ATP2C2: variants seen among roughly 807,000 people sequenced by gnomAD.
The protein encoded by ATP2C2 is calcium-transporting ATPase type 2C member 2.
A neutral mutation model predicts 110.8 loss-of-function variants in ATP2C2; 171 were observed. The observed-to-expected ratio is 1.54, with a 90% CI of 1.36 to 1.75. The LOEUF is 1.75. ATP2C2 is among the 40% of genes most tolerant of loss of function. The pLI, the probability that ATP2C2 is intolerant of heterozygous loss-of-function variation, is 0.00. For synonymous variants in ATP2C2, 804 were observed against 508.4 expected (o/e 1.58, Z -7.82); for missense variants, 1,963 against 1,235.0 (o/e 1.59, Z -8.84).
intron 1 of ATP2C2, among the ~76,000 whole-genome samples, chr16:84,373,428 A>G (rs1170808931): frequency 6.6e-6 from 1 of 152,176 alleles, no homozygotes; most frequent in South Asian, 2.1e-4. Context: ...TGAATGCAGG[A>G]GGTGGAAGTT....
chr16:84,401,279 G>A (rs144562676), intron 2 of ATP2C2, among the ~76,000 whole-genome samples: 9,700 of 146,166 alleles, frequency 0.066, 415 homozygotes, highest in Non-Finnish European at 0.1. Flanking sequence ...GCTGGAGTGC[G>A]GTGGCGCTAT....
At position 84,460,859 on chromosome 16, in the gene ATP2C2, G is replaced by A. The variant is rs1028178383; in HGVS notation, c.2481+58G>A. ...GCCCTGGTGCGGTGCAGACGCTGGG[G>A]ACTGCAGTCCCTGCCCTCCTGCCAC... On this transcript the variant is annotated intron_variant, in intron 24 of 26. Transcript: ENST00000262429. The A allele has an allele frequency of 2.4e-5, 37 of 1,545,366 alleles. No individual in the cohort carries two copies. The Admixed American group carries it at 6.2e-4, about 26-fold the overall frequency.
At chr16:84,380,206 C>G (rs1910494481) in intron 1 of ATP2C2, among the ~76,000 whole-genome samples, 2 of 152,144 alleles carry the variant, frequency 1.3e-5, no homozygotes, top group Non-Finnish European at 2.9e-5. Flanking sequence ...ACCTATCTCA[C>G]CAGGCCTTCT....
At chr16:84,429,386 C>T (rs1169165305) in intron 11 of ATP2C2, among the ~76,000 whole-genome samples, 3 of 152,162 alleles carry the variant, frequency 2.0e-5, no homozygotes. Context: ...CTCCTGACCT[C>T]AGGTGATCCA....
At chr16:84,388,499 G>C (rs1210536665) in intron 1 of ATP2C2, among the ~76,000 whole-genome samples, 1 of 152,138 alleles carries the variant, frequency 6.6e-6, no homozygotes, top group Non-Finnish European at 1.5e-5. Flanking sequence ...GCTGGCCTGA[G>C]GCCCATACTC....
intron 1 of ATP2C2, among the ~76,000 whole-genome samples, chr16:84,398,020 T>A (rs757360246): frequency 6.6e-6 from 1 of 151,790 alleles, no homozygotes; most frequent in African/African-American, 2.4e-5. Flanking sequence ...ACCAGTCATA[T>A]CTGTTTCTTA....
chr16:84,422,126 A>T (rs562641618), intron 7 of ATP2C2, among the ~76,000 whole-genome samples: 1 of 152,014 alleles, frequency 6.6e-6, no homozygotes, highest in East Asian at 1.9e-4. Flanking sequence ...AATAGCCATC[A>T]CCTTCATTTT....
In ATP2C2 at chr16:84,368,644, T is replaced by G. The variant is rs772379607; in HGVS notation, c.29T>G (p.Leu10Arg). 3 of 1,566,106 alleles carry G rather than the reference T, an allele frequency of 1.9e-6. No homozygotes were observed. The highest frequency in any genetic ancestry group is 1.7e-6 in the Non-Finnish European group (2 of 1,156,922). Residue 10 changes from leucine (L) to arginine (R), a missense_variant, in exon 1 of 27, where the codon CTG becomes CGG. Physicochemically the swap from Leu to Arg is moderately radical, Grantham distance 102 (BLOSUM62 -2). Coordinates refer to ENST00000262429, the MANE Select transcript of ATP2C2 (RefSeq NM_014861.4). Reference sequence around the variant, plus strand: ...GTCGAGGGACGCGTCTCCGAGTTCCTGAAGAAACTCGGCTTCTCGGGCGGG... The same window carrying G: ...GTCGAGGGACGCGTCTCCGAGTTCCGGAAGAAACTCGGCTTCTCGGGCGGG... MVEGRVSEF[L>R]KKLGFSGGGR...
chr16:84,422,657 C>T lies in ATP2C2; in HGVS notation c.803C>T (p.Ser268Phe), dbSNP rs201867078. 5.0e-6 allele frequency: 8 copies of T among 1,613,546 alleles called. No individual in the cohort carries two copies. In the East Asian group the frequency reaches 1.3e-4, roughly 27 times the overall value. ...QGVVIGTGESSQFGEVFKMMQ... is the reference protein window; with the variant it reads ...QGVVIGTGESFQFGEVFKMMQ... ...GTCGTGATTGGAACAGGGGAAAGCTCTCAGTTCGGAGAAGTGTTTAAGATG... is the reference window on the plus strand; with the variant it reads ...GTCGTGATTGGAACAGGGGAAAGCTTTCAGTTCGGAGAAGTGTTTAAGATG... The change falls in exon 9 of 27, where the codon TCT becomes TTT. Residue 268 changes from serine (S) to phenylalanine (F), a missense_variant. By Grantham distance (155) the Ser-to-Phe change is radical. Transcript: ENST00000262429.
At chr16:84,450,509 C>T (rs771805369) in intron 17 of ATP2C2, among the ~76,000 whole-genome samples, 34 of 151,998 alleles carry the variant, frequency 2.2e-4, no homozygotes, top group Non-Finnish European at 4.4e-4. Context: ...TGGGATAGAG[C>T]GCTACTAGGT....
rs138018903 is a variant in ATP2C2 at position 84,400,639 on chromosome 16, T to G, written c.210+2030T>G. ...ACCGCGCCCAGCGTATTTTTAGTTT[T>G]TTGAGGAACCCTCCAAACTGTTCAC... On this transcript the variant is annotated intron_variant, in intron 2 of 26. Transcript: ENST00000262429. 4.6e-5 allele frequency among the ~76,000 whole-genome samples: 7 copies of G among 152,316 alleles called. No homozygotes were observed. In the East Asian group the frequency reaches 1.4e-3, roughly 29 times the overall value.
intron 11 of ATP2C2, among the ~76,000 whole-genome samples, chr16:84,427,490 G>T (rs1167423918): frequency 1.3e-5 from 2 of 152,188 alleles, no homozygotes; most frequent in African/African-American, 4.8e-5. Flanking sequence ...GGCCAAGGCA[G>T]ACGATCACCT....
chr16:84,445,399 A>C (rs2150574017), intron 15 of ATP2C2, among the ~76,000 whole-genome samples: 1 of 152,076 alleles, frequency 6.6e-6, no homozygotes, highest in East Asian at 1.9e-4. Context: ...TAGTAGAGAC[A>C]GGGTTTCACC....
rs774690561 is a variant in ATP2C2 at position 84,462,052 on chromosome 16, C to A, written c.2645C>A (p.Ser882Tyr). Residue 882 changes from serine to tyrosine, a missense_variant, in exon 26 of 27, where the codon TCC becomes TAC. By Grantham distance (144) the Ser-to-Tyr change is moderately radical. Transcript: ENST00000262429. ...NHMFLYSVLG[S>Y]ILGQLAVIYI... ...ATGTTCCTCTACTCCGTCCTGGGGT[C>A]CATCCTGGGGCAGCTGGCGGTCATT... 2 of 1,614,104 alleles carry A rather than the reference C, an allele frequency of 1.2e-6. No individual in the cohort carries two copies. The highest frequency in any genetic ancestry group is 1.1e-5 in the South Asian group (1 of 91,084).
At chr16:84,401,544 A>T (rs1050478538) in intron 2 of ATP2C2, among the ~76,000 whole-genome samples, 2 of 152,142 alleles carry the variant, frequency 1.3e-5, no homozygotes, top group Non-Finnish European at 2.9e-5. Context: ...ACTCTCCTGC[A>T]TATGGAGATT....
At chr16:84,387,020 C>T (rs1010805762) in intron 1 of ATP2C2, among the ~76,000 whole-genome samples, 5 of 152,118 alleles carry the variant, frequency 3.3e-5, no homozygotes, top group African/African-American at 4.8e-5. Flanking sequence ...GCTTGATTGT[C>T]GCCACTCACC....
Position 84,454,813 on chromosome 16 carries a change from C to G in ATP2C2, c.1981-5C>G. 3 of 1,584,300 alleles carry G rather than the reference C, an allele frequency of 1.9e-6. No individual in the cohort carries two copies. The highest frequency in any genetic ancestry group is 2.6e-6 in the Non-Finnish European group (3 of 1,166,808). ...GCAGGCCTTCATTGCCTGCTCTTTC[C>G]AAAGGCTCTGCAGGAGTCAGGGGCG... On this transcript the variant is annotated splice_polypyrimidine_tract_variant and splice_region_variant and intron_variant, in intron 20 of 26. Transcript: ENST00000262429.
At chr16:84,458,592 G>A (rs933353504) in intron 21 of ATP2C2, among the ~76,000 whole-genome samples, 3 of 152,048 alleles carry the variant, frequency 2.0e-5, no homozygotes, top group Middle Eastern at 3.2e-3. Flanking sequence ...GGGCACCCAC[G>A]GTGCGTAATT....
intron 6 of ATP2C2, among the ~76,000 whole-genome samples, chr16:84,414,419 C>G (rs1190507059): frequency 1.3e-5 from 2 of 152,214 alleles, no homozygotes; most frequent in East Asian, 3.8e-4. Flanking sequence ...GCTGCCACAG[C>G]TCCTTGCATC....
Sources: gnomAD v4.1 joint callset for allele counts (sites outside exome capture counted in the v4.1 genomes callset) on GRCh38, gnomAD v4.1.1 for gene constraint, MANE v1.5 for transcripts, NCBI Gene and HGNC (gene_info 2026-07-23, HGNC 2026-07-21) for gene names.